MCTP1: variants seen among roughly 807,000 people sequenced by gnomAD.
MCTP1 encodes multiple C2 and transmembrane domain containing 1.
MCTP1 carries 69 observed loss-of-function variants against 120.6 expected under a neutral mutation model. The observed-to-expected ratio is 0.57, with a 90% confidence interval of 0.47 to 0.70. The LOEUF is 0.70. Ranked by LOEUF, MCTP1 falls within the 30% of genes least tolerant of loss-of-function variation. The pLI is 0.00. For synonymous variants in MCTP1, 529 were observed against 493.1 expected (o/e 1.07, Z -0.96); for missense variants, 1,203 against 1,248.8 (o/e 0.96, Z 0.55).
chr5:95,055,120 T>C (rs1286330604), intron 1 of MCTP1, among the ~76,000 whole-genome samples: 1 of 152,224 alleles, frequency 6.6e-6, no homozygotes, highest in Non-Finnish European at 1.5e-5. Context: ...TGTATCTTAA[T>C]GGGTAGTTCA....
At chr5:95,151,009 C>T (rs1760847174) in intron 1 of MCTP1, among the ~76,000 whole-genome samples, 1 of 151,776 alleles carries the variant, frequency 6.6e-6, no homozygotes, top group Non-Finnish European at 1.5e-5. Flanking sequence ...TGCTCTGTTG[C>T]CCAGGCTGGA....
intron 19 of MCTP1, among the ~76,000 whole-genome samples, chr5:94,757,703 T>G (rs1416768577): frequency 1.3e-5 from 2 of 152,168 alleles, no homozygotes; most frequent in African/African-American, 4.8e-5. Flanking sequence ...GCTAGCATAG[T>G]GCTTTGAACA....
chr5:94,835,132 A>G (rs911551253), intron 17 of MCTP1, among the ~76,000 whole-genome samples: 1 of 152,104 alleles, frequency 6.6e-6, no homozygotes, highest in East Asian at 1.9e-4. Context: ...ACGCATTCTC[A>G]TTCTTAGTTT....
At chr5:94,896,225 G>GA (rs998648610) in intron 10 of MCTP1, among the ~76,000 whole-genome samples, 2 of 151,532 alleles carry the variant, frequency 1.3e-5, no homozygotes, top group Admixed American at 6.6e-5. Context: ...ATTCTCTAAT[G>GA]AAAAAAAAGG....
rs199701263 is a variant in MCTP1, at chr5:94,940,073, G to C, written c.1173+11C>G. 1.3e-6 allele frequency: 2 copies of C among 1,503,208 alleles called. No individual in the cohort carries two copies. The highest frequency in any genetic ancestry group is 1.7e-5 in the Admixed American group (1 of 58,042). The allele number at this position is 1,503,208 out of a possible 1,614,324, so 93.1% of individuals were successfully genotyped here. On this transcript the variant is annotated intron_variant, in intron 5 of 22. Coordinates refer to ENST00000515393, the MANE Select transcript of MCTP1 (RefSeq NM_024717.7). ...AAGAAAGAGCTCCTACTAGGCTGTG[G>C]GGGAACTTACCACATCCCTGGACTC...
intron 1 of MCTP1, among the ~76,000 whole-genome samples, chr5:95,096,869 C>G (rs1478952449): frequency 6.6e-6 from 1 of 152,158 alleles, no homozygotes; most frequent in African/African-American, 2.4e-5. Context: ...AATGAATAGT[C>G]TATCATTCTG....
chr5:95,125,127 A>T, intron 1 of MCTP1, among the ~76,000 whole-genome samples: 1 of 152,234 alleles, frequency 6.6e-6, no homozygotes, highest in East Asian at 1.9e-4. Flanking sequence ...TTTGTGCAGA[A>T]GAGAAGGGAG....
intron 1 of MCTP1, among the ~76,000 whole-genome samples, chr5:95,193,268 T>G (rs1240256692): frequency 6.6e-6 from 1 of 152,142 alleles, no homozygotes; most frequent in Non-Finnish European, 1.5e-5. Flanking sequence ...ATGAATCAAA[T>G]CACAGCTGCC....
chr5:94,990,423 T>C (rs1340374056), intron 2 of MCTP1, among the ~76,000 whole-genome samples: 2 of 152,160 alleles, frequency 1.3e-5, no homozygotes, highest in Non-Finnish European at 2.9e-5. Context: ...CAGAATTCAG[T>C]TCTTTACGGT....
intron 2 of MCTP1, among the ~76,000 whole-genome samples, chr5:95,007,866 A>G (rs892292414): frequency 4.5e-4 from 69 of 152,304 alleles, no homozygotes; most frequent in African/African-American, 1.6e-3. Flanking sequence ...CATCAGACTC[A>G]CAGAGTAGAC....
intron 1 of MCTP1, among the ~76,000 whole-genome samples, chr5:95,216,914 G>A (rs1174694241): frequency 6.6e-6 from 1 of 152,092 alleles, no homozygotes; most frequent in Admixed American, 6.5e-5. Flanking sequence ...TTCTCCTGAG[G>A]CTACCTCTGG....
At chr5:94,953,118 C>T in intron 3 of MCTP1, 101 bp downstream of exon 3, 1 of 1,066,986 alleles carries the variant, frequency 9.4e-7, no homozygotes, top group Non-Finnish European at 1.3e-6. Flanking sequence ...CAGAACACAT[C>T]TCTGGTGAAA....
intron 1 of MCTP1, among the ~76,000 whole-genome samples, chr5:95,076,928 A>G (rs557814318): frequency 3.3e-5 from 5 of 152,272 alleles, no homozygotes; most frequent in Non-Finnish European, 5.9e-5. Context: ...GTATTTTTAC[A>G]GGAAAATATT....
intron 12 of MCTP1, among the ~76,000 whole-genome samples, chr5:94,875,390 G>C (rs1798619887): frequency 1.3e-5 from 2 of 152,078 alleles, no homozygotes; most frequent in African/African-American, 4.8e-5. Flanking sequence ...TGGACAGGTG[G>C]GGGGTTGGAG....
At chr5:94,986,611 G>A (rs1158588303) in intron 2 of MCTP1, among the ~76,000 whole-genome samples, 4 of 152,152 alleles carry the variant, frequency 2.6e-5, no homozygotes, top group Admixed American at 2.6e-4. Flanking sequence ...CTGAGTTCAA[G>A]TGATTCTACT....
intron 1 of MCTP1, among the ~76,000 whole-genome samples, chr5:95,256,573 AC>A (rs1450265883): frequency 6.6e-6 from 1 of 151,968 alleles, no homozygotes; most frequent in Non-Finnish European, 1.5e-5. Flanking sequence ...CTGTTGCCAA[AC>A]CCTGGGTTGC....
chr5:94,918,878 G>A (rs1013045360), intron 7 of MCTP1, among the ~76,000 whole-genome samples: 2 of 152,118 alleles, frequency 1.3e-5, no homozygotes, highest in Non-Finnish European at 2.9e-5. Flanking sequence ...TAAATAAACT[G>A]AGGCATAGAG....
intron 2 of MCTP1, among the ~76,000 whole-genome samples, chr5:94,996,745 A>T (rs1334040073): frequency 6.6e-6 from 1 of 152,128 alleles, no homozygotes; most frequent in Admixed American, 6.6e-5. Flanking sequence ...GGGAGGGCCG[A>T]CTGCATGTTT....
At chr5:94,940,028 A>C (rs1227404625) in intron 5 of MCTP1, 56 bp downstream of exon 5, 2 of 1,008,120 alleles carry the variant, frequency 2.0e-6, no homozygotes, top group Non-Finnish European at 3.0e-6. Context: ...GGTCCAGAGA[A>C]AGGCTCACAA....
Sources: allele counts gnomAD v4.1 joint callset (sites outside exome capture counted in the v4.1 genomes callset), GRCh38; gene constraint gnomAD v4.1.1; transcripts MANE v1.5; gene names NCBI Gene and HGNC (gene_info 2026-07-23, HGNC 2026-07-21).